The following MARCHF3 variants were observed in gnomAD, a reference collection of about 807,000 sequenced individuals.
The protein encoded by MARCHF3 is E3 ubiquitin-protein ligase MARCHF3.
Under a neutral mutation model 24.2 loss-of-function variants are expected in MARCHF3, and 13 were observed. That is an observed-to-expected ratio of 0.54 (90% confidence interval 0.35 to 0.85). MARCHF3 has a LOEUF of 0.85. Ranked by LOEUF, MARCHF3 falls within the 40% of genes least tolerant of loss-of-function variation. The pLI is 0.01. For synonymous variants in MARCHF3, 144 were observed against 137.3 expected (o/e 1.05, Z -0.34); for missense variants, 276 against 325.0 (o/e 0.85, Z 1.16).
rs755997611 is a variant in MARCHF3 at position 126,868,612 on chromosome 5, C to T, written c.*2021G>A. The T allele has an allele frequency of 3.3e-5, 5 of 152,198 alleles. No individual in the cohort carries two copies. Among genetic ancestry groups the T allele is most frequent in the Non-Finnish European group, 5.9e-5 (4 of 68,054 alleles). 9.4% of individuals were successfully genotyped at this position (152,198 alleles called of 1,614,324 possible). On this transcript the variant is annotated 3_prime_UTR_variant, in exon 5 of 5. Coordinates refer to ENST00000308660, the MANE Select transcript of MARCHF3 (RefSeq NM_178450.5). ...GCAGCCAACCTTGACAGGAAATCATCCTGGAAATCCGCTGCTTCCTTAATT... is the reference window on the plus strand; with the variant it reads ...GCAGCCAACCTTGACAGGAAATCATTCTGGAAATCCGCTGCTTCCTTAATT...
rs10900789 is a variant in MARCHF3, at chr5:126,939,898, C to A, written c.-56-21671G>T. 3.9e-5 allele frequency among the ~76,000 whole-genome samples: 6 copies of A among 151,952 alleles called. No individual in the cohort carries two copies. In the East Asian group the frequency reaches 1.2e-3, roughly 29 times the overall value. On this transcript the variant is annotated intron_variant, in intron 1 of 4. Coordinates refer to ENST00000308660, the MANE Select transcript of MARCHF3 (RefSeq NM_178450.5). ...ATTGAACTCATGACCAACAGCACTG[C>A]AACTCGTGCATGAACGAAGCTTACC...
At chr5:126,913,988 T>C (rs1195847925) in intron 3 of MARCHF3, among the ~76,000 whole-genome samples, 1 of 144,068 alleles carries the variant, frequency 6.9e-6, no homozygotes, top group Non-Finnish European at 1.5e-5. Flanking sequence ...TTTTTTTTTT[T>C]TTTTTTTTTT....
intron 3 of MARCHF3, among the ~76,000 whole-genome samples, chr5:126,906,363 A>C (rs1028750068): frequency 6.6e-6 from 1 of 152,122 alleles, no homozygotes; most frequent in Non-Finnish European, 1.5e-5. Flanking sequence ...CTCTTTGTCT[A>C]TTGATTGGAA....
chr5:126,867,991 G>GT lies in MARCHF3; in HGVS notation c.*2641dup, dbSNP rs1400884769. ...CACAGCAAGGAGTGTGGAAGAGGGA[G>GT]TTTTTTTAAAAAGTCAGTTAAAGAG... On this transcript the variant is annotated 3_prime_UTR_variant, in exon 5 of 5. Coordinates refer to ENST00000308660, the MANE Select transcript of MARCHF3 (RefSeq NM_178450.5). The GT allele has an allele frequency of 9.2e-5, 14 of 152,272 alleles. No individual in the cohort carries two copies. Among genetic ancestry groups the GT allele is most frequent in the Middle Eastern group, 3.4e-3 (1 of 294 alleles). 9.4% of individuals were successfully genotyped at this position (152,272 alleles called of 1,614,324 possible). A position where few individuals can be genotyped will look rare whatever the true frequency, so the allele number is the denominator to read the frequency against.
chr5:126,946,048 A>G (rs1749997589), intron 1 of MARCHF3, among the ~76,000 whole-genome samples: 1 of 152,096 alleles, frequency 6.6e-6, no homozygotes, highest in Admixed American at 6.6e-5. Context: ...GGTGAAATCA[A>G]TTTAGTGAGT....
intron 1 of MARCHF3, among the ~76,000 whole-genome samples, chr5:126,998,880 C>T (rs1393492147): frequency 5.3e-5 from 8 of 152,000 alleles, no homozygotes; most frequent in South Asian, 4.1e-4. Flanking sequence ...AAAGAAGCCC[C>T]GAAGTCAAGG....
intron 1 of MARCHF3, among the ~76,000 whole-genome samples, chr5:126,958,893 G>A (rs542293815): frequency 6.6e-5 from 10 of 152,202 alleles, no homozygotes; most frequent in African/African-American, 2.4e-4. Flanking sequence ...AACAATCTAA[G>A]TAACGAAATA....
At chr5:126,955,386 C>T (rs1210672954) in intron 1 of MARCHF3, among the ~76,000 whole-genome samples, 1 of 152,212 alleles carries the variant, frequency 6.6e-6, no homozygotes, top group Non-Finnish European at 1.5e-5. Flanking sequence ...TTATGGACCA[C>T]ATTTCAAATT....
At position 126,959,595 on chromosome 5, in the gene MARCHF3, C is replaced by T. The variant is rs73786236; in HGVS notation, c.-56-41368G>A. ...TCATAATAATGCATCAATCTTGGTCCTTTGTTCTGACAAATATACCACACT... is the reference window on the plus strand; with the variant it reads ...TCATAATAATGCATCAATCTTGGTCTTTTGTTCTGACAAATATACCACACT... On this transcript the variant is annotated intron_variant, in intron 1 of 4. Coordinates refer to ENST00000308660, the MANE Select transcript of MARCHF3 (RefSeq NM_178450.5). Among the ~76,000 whole-genome samples the T allele has an allele frequency of 8.8e-3, 1,346 of 152,170 alleles. 19 individuals carry two copies. Among genetic ancestry groups the T allele is most frequent in the East Asian group, 0.025 (131 of 5,176 alleles).
At position 126,872,726 on chromosome 5, in the gene MARCHF3, T is replaced by C. The variant is rs58170839; in HGVS notation, c.604-1935A>G. On this transcript the variant is annotated intron_variant, in intron 4 of 4. Coordinates refer to ENST00000308660, the MANE Select transcript of MARCHF3 (RefSeq NM_178450.5). ...ATTCAAGGCCACTTATTCAAATTTC[T>C]GAGGCTAGAAAGCAGATGCCACGGG... Among the ~76,000 whole-genome samples the C allele has an allele frequency of 7.8e-3, 1,186 of 152,310 alleles. 15 individuals carry two copies. The highest frequency in any genetic ancestry group is 0.025 in the East Asian group (128 of 5,190).
At chr5:126,979,753 A>G (rs549354136) in intron 1 of MARCHF3, among the ~76,000 whole-genome samples, 1 of 152,244 alleles carries the variant, frequency 6.6e-6, no homozygotes, top group South Asian at 2.1e-4. Flanking sequence ...GTTTGAGACC[A>G]GCCTGACCAA....
chr5:126,903,591 T>A (rs1293340960), intron 3 of MARCHF3, among the ~76,000 whole-genome samples: 1 of 152,014 alleles, frequency 6.6e-6, no homozygotes, highest in Non-Finnish European at 1.5e-5. Context: ...ACCAAATCCA[T>A]TATAATAACA....
chr5:127,019,942 G>A (rs1231513744), intron 1 of MARCHF3, among the ~76,000 whole-genome samples: 1 of 152,158 alleles, frequency 6.6e-6, no homozygotes, highest in African/African-American at 2.4e-5. Context: ...CTAGCCCAGT[G>A]ATCTCAAGAA....
intron 3 of MARCHF3, among the ~76,000 whole-genome samples, chr5:126,897,947 G>C (rs1047481525): frequency 6.6e-6 from 1 of 152,006 alleles, no homozygotes; most frequent in East Asian, 1.9e-4. Flanking sequence ...AATCACAAAG[G>C]TCCACATACT....
At chr5:126,951,552 G>A (rs544871036) in intron 1 of MARCHF3, among the ~76,000 whole-genome samples, 6 of 152,268 alleles carry the variant, frequency 3.9e-5, no homozygotes, top group South Asian at 2.1e-4. Context: ...CTCAGTCAGC[G>A]GCATCTCCAT....
chr5:126,988,508 G>A (rs1239557333), intron 1 of MARCHF3, among the ~76,000 whole-genome samples: 1 of 152,168 alleles, frequency 6.6e-6, no homozygotes, highest in East Asian at 1.9e-4. Flanking sequence ...CCACATAAGA[G>A]AAGTTTAAAA....
At chr5:126,928,925 C>G (rs188923682) in intron 1 of MARCHF3, among the ~76,000 whole-genome samples, 1 of 152,160 alleles carries the variant, frequency 6.6e-6, no homozygotes, top group Non-Finnish European at 1.5e-5. Context: ...TCTCATATAA[C>G]CACACAGCCA....
At chr5:126,914,251 G>A (rs549826345) in intron 3 of MARCHF3, among the ~76,000 whole-genome samples, 37 of 151,974 alleles carry the variant, frequency 2.4e-4, no homozygotes, top group Non-Finnish European at 4.7e-4. Flanking sequence ...CCAAAGTGCT[G>A]GGATTACAGA....
intron 1 of MARCHF3, among the ~76,000 whole-genome samples, chr5:126,970,474 C>CT (rs528502923): frequency 0.022 from 3,169 of 145,110 alleles, 71 homozygotes; most frequent in South Asian, 0.12. Context: ...TACTTTTTTT[C>CT]TTTTTTTTTT....
Sources: gnomAD v4.1 joint callset for allele counts (sites outside exome capture counted in the v4.1 genomes callset) on GRCh38, gnomAD v4.1.1 for gene constraint, MANE v1.5 for transcripts, NCBI Gene and HGNC (gene_info 2026-07-23, HGNC 2026-07-21) for gene names.